Variants in DDX5 observed in about 807,000 individuals in gnomAD.
DDX5 encodes DEAD-box helicase 5, also known as probable ATP-dependent RNA helicase DDX5.
Under a neutral mutation model 68.6 loss-of-function variants are expected in DDX5, and 6 were observed. That is an observed-to-expected ratio of 0.09 (90% confidence interval 0.05 to 0.17). The LOEUF is 0.17. Among genes scored for constraint, DDX5 ranks in the 10% least tolerant of loss-of-function variants. The pLI is 1.00. For synonymous variants in DDX5, 350 were observed against 247.0 expected (o/e 1.42, Z -3.91); for missense variants, 499 against 756.1 (o/e 0.66, Z 3.99).
Position 64,506,113 on chromosome 17 carries a change from C to G in DDX5, c.7G>C (p.Gly3Arg). The G allele has an allele frequency of 6.4e-7, 1 of 1,572,820 alleles. No individual in the cohort carries two copies. Among genetic ancestry groups the G allele is most frequent in the South Asian group, 1.1e-5 (1 of 89,794 alleles). Residue 3 changes from glycine (G) to arginine (R), a missense_variant, in exon 1 of 13, where the codon GGT (glycine) becomes CGT (arginine). By Grantham distance (125) the Gly-to-Arg change is moderately radical. Around this residue, in one of 5 missense-constraint regions of DDX5, gnomAD observed 140 missense variants for 135.7 expected, o/e 1.03. Coordinates refer to ENST00000225792, the MANE Select transcript of DDX5 (RefSeq NM_004396.5). Reference protein sequence around the residue: MSGYSSDRDRGRD... With the variant: MSRYSSDRDRGRD... ...CCGCGGTCTCGGTCACTCGAATAACCCGACATGGCGTCAATGGTTGCGGTT... is the reference window on the plus strand; with the variant it reads ...CCGCGGTCTCGGTCACTCGAATAACGCGACATGGCGTCAATGGTTGCGGTT...
Position 64,500,254 on chromosome 17 carries a change from A to C in DDX5, c.1514T>G (p.Phe505Cys). The C allele has an allele frequency of 6.2e-7, 1 of 1,614,158 alleles. No homozygotes were observed. Residue 505 changes from phenylalanine to cysteine, a missense_variant, in exon 13 of 13, where the codon TTT becomes TGT. By Grantham distance (205) the Phe-to-Cys change is radical. Transcript: ENST00000225792. Reference sequence around the variant, plus strand: ...ATTTTCCCTGTCTCTAAAGGTATTAAATCCACCCCTTTTGCCCGCAGAGTA... The same window carrying C: ...ATTTTCCCTGTCTCTAAAGGTATTACATCCACCCCTTTTGCCCGCAGAGTA... ...DRYSAGKRGG[F>C]NTFRDRENYD...
Position 64,504,696 on chromosome 17 carries a change from T to C in DDX5, c.191A>G (p.Asp64Gly). Residue 64 changes from aspartate (D) to glycine (G), a missense_variant, in exon 2 of 13, where the codon GAT (aspartate) becomes GGT (glycine). This residue lies in a region of DDX5 where 140 missense variants were observed against 135.7 expected (regional missense o/e 1.03). Coordinates refer to ENST00000225792, the MANE Select transcript of DDX5 (RefSeq NM_004396.5). Reference protein sequence around the residue: ...FEKNFYQEHPDLARRTAQEVE... With the variant: ...FEKNFYQEHPGLARRTAQEVE... ...ACTCACTGCTGTGCGCCTAGCCAAA[T>C]CAGGGTGCTCTTGATAAAAATTCTT... 6.2e-7 allele frequency: 1 copy of C among 1,613,296 alleles called. No individual in the cohort carries two copies. Among genetic ancestry groups the C allele is most frequent in the Non-Finnish European group, 8.5e-7 (1 of 1,179,776 alleles).
rs782455211 is a variant in DDX5 at position 64,500,291 on chromosome 17, G to A, written c.1477C>T (p.Arg493Cys). Reference protein sequence around the residue: ...SRGRGGMKDDRRDRYSAGKRG... With the variant: ...SRGRGGMKDDCRDRYSAGKRG... ...TTGCCCGCAGAGTATCTGTCCCGACGGTCATCCTTCATGCCTCCTCTACCC... is the reference window on the plus strand; with the variant it reads ...TTGCCCGCAGAGTATCTGTCCCGACAGTCATCCTTCATGCCTCCTCTACCC... Residue 493 changes from arginine to cysteine, a missense_variant, in exon 13 of 13, where the codon CGT becomes TGT. Physicochemically the swap from Arg to Cys is radical, Grantham distance 180. Coordinates refer to ENST00000225792, the MANE Select transcript of DDX5 (RefSeq NM_004396.5). The A allele has an allele frequency of 1.2e-6, 2 of 1,612,866 alleles. No individual in the cohort carries two copies. Among genetic ancestry groups the A allele is most frequent in the Non-Finnish European group, 1.7e-6 (2 of 1,179,308 alleles).
Position 64,502,001 on chromosome 17 carries a change from T to G in DDX5, c.1216+9A>C, listed in dbSNP as rs568498163. On this transcript the variant is annotated intron_variant, in intron 11 of 12. Coordinates refer to ENST00000225792, the MANE Select transcript of DDX5 (RefSeq NM_004396.5). ...GGAAACCAAGCCATGAATGCGAGTT[T>G]GTACTAACCTAGCCCTCTGGAGGCC... is the stretch of plus-strand genomic sequence containing the variant. 1.2e-6 allele frequency: 2 copies of G among 1,613,590 alleles called. No individual in the cohort carries two copies. Among genetic ancestry groups the G allele is most frequent in the African/African-American group, 1.3e-5 (1 of 75,012 alleles).
At chr17:64,503,723 A>G in intron 5 of DDX5, 80 bp downstream of exon 5, 2 of 1,548,380 alleles carry the variant, frequency 1.3e-6, no homozygotes, top group South Asian at 1.2e-5. Context: ...TAAAACCACC[A>G]CAAATGATTA....
At chr17:64,501,718 C>T (rs1383381088) in intron 11 of DDX5, 6 of 448,092 alleles carry the variant, frequency 1.3e-5, no homozygotes, top group Admixed American at 3.8e-5. Flanking sequence ...TTTTTTCCCT[C>T]GGAGAGAACA....
rs782308251 is a variant in DDX5, at chr17:64,503,459, T to C, written c.620A>G (p.Lys207Arg). ...KSTCIYGGAPKGPQIRDLERG... is the reference protein window; with the variant it reads ...KSTCIYGGAPRGPQIRDLERG... ...CTCCAAATCACGTATTTGTGGTCCC[T>C]TAGGAGCACCACCGTAGATACAAGT... Residue 207 changes from lysine (K) to arginine (R), a missense_variant, in exon 6 of 13, where the codon AAG (lysine) becomes AGG (arginine). Around this residue, in one of 5 missense-constraint regions of DDX5, gnomAD observed 141 missense variants for 279.8 expected, o/e 0.50. Transcript: ENST00000225792. 6.2e-7 allele frequency: 1 copy of C among 1,614,222 alleles called. No individual in the cohort carries two copies.
At chr17:64,502,898 C>A in intron 8 of DDX5, 28 bp downstream of exon 8, 1 of 1,538,050 alleles carries the variant, frequency 6.5e-7, no homozygotes. Context: ...TGTTAGGAAG[C>A]AAATATAACA....
In DDX5 at chr17:64,502,241, T is replaced by A; in HGVS notation, c.1095-18A>T. On this transcript the variant is annotated intron_variant, in intron 9 of 12. Transcript: ENST00000225792. ...CAGGCCACCTAAGTTAAAAGACAAG[T>A]TGTGTTATTAAACTCACATTGAAAA... is the stretch of plus-strand genomic sequence containing the variant. The A allele has an allele frequency of 6.2e-7, 1 of 1,613,516 alleles. No homozygotes were observed. Among genetic ancestry groups the A allele is most frequent in the Non-Finnish European group, 8.5e-7 (1 of 1,179,836 alleles).
Position 64,500,207 on chromosome 17 carries a change from G to A in DDX5, c.1561C>T (p.Leu521=), listed in dbSNP as rs958061265. 7 of 1,613,942 alleles carry A rather than the reference G, an allele frequency of 4.3e-6. No individual in the cohort carries two copies. The highest frequency in any genetic ancestry group is 3.3e-5 in the Admixed American group (2 of 59,990). Residue 521 remains leucine (L), a synonymous_variant, in exon 13 of 13, where the codon CTG becomes TTG. Transcript: ENST00000225792. ...RENYDRGYSS[L]LKRDFGAKTQ... Reference sequence around the variant, plus strand: ...TTTGCCCCAAAATCTCTTTTAAGCAGGCTAGAGTAACCTCTGTCATAATTT... The same window carrying A: ...TTTGCCCCAAAATCTCTTTTAAGCAAGCTAGAGTAACCTCTGTCATAATTT...
intron 5 of DDX5, 74 bp downstream of exon 5, chr17:64,503,728 TG>T: frequency 6.4e-7 from 1 of 1,553,138 alleles, no homozygotes; most frequent in Non-Finnish European, 8.8e-7. Flanking sequence ...CCACCACAAA[TG>T]ATTACATCTT....
In DDX5 at chr17:64,499,720, T is replaced by A. The variant is rs1459190548; in HGVS notation, c.*203A>T. On this transcript the variant is annotated 3_prime_UTR_variant, in exon 13 of 13. Coordinates refer to ENST00000225792, the MANE Select transcript of DDX5 (RefSeq NM_004396.5). ...ACTTTTGTGAAAACACTGCCTGCAT[T>A]TTCTAGTACAAAAAAAACCTAAAAA... 1 of 472,768 alleles carries A rather than the reference T, an allele frequency of 2.1e-6. No homozygotes were observed. The highest frequency in any genetic ancestry group is 3.7e-6 in the Non-Finnish European group (1 of 272,874). The allele number at this position is 472,768 out of a possible 1,614,324, so 29.3% of individuals were successfully genotyped here.
upstream of DDX5, chr17:64,506,350 G>T: frequency 6.9e-7 from 1 of 1,450,974 alleles, no homozygotes; most frequent in South Asian, 1.4e-5. Context: ...CGCAGGGAAC[G>T]CTGGGAGCCG....
chr17:64,502,226 A>G lies in DDX5; in HGVS notation c.1095-3T>C. 6.2e-7 allele frequency: 1 copy of G among 1,613,878 alleles called. No homozygotes were observed. The highest frequency in any genetic ancestry group is 8.5e-7 in the Non-Finnish European group (1 of 1,179,962). On this transcript the variant is annotated splice_polypyrimidine_tract_variant and splice_region_variant and intron_variant, in intron 9 of 12. Coordinates refer to ENST00000225792, the MANE Select transcript of DDX5 (RefSeq NM_004396.5). ...CATGGATACCCATGGCAGGCCACCT[A>G]AGTTAAAAGACAAGTTGTGTTATTA...
chr17:64,503,754 A>G (rs2038355507), intron 5 of DDX5, 49 bp downstream of exon 5: 2 of 1,579,468 alleles, frequency 1.3e-6, no homozygotes, highest in African/African-American at 1.4e-5. Context: ...TATGTAGTCT[A>G]AAATCTACAC....
chr17:64,504,328 A>G lies in DDX5; in HGVS notation c.211-10T>C, dbSNP rs2038371179. ...ATGTTTCCACCTCTTGCTGCAAAAC[A>G]AATTATAACAGTCTTAAAATTCATG... On this transcript the variant is annotated splice_polypyrimidine_tract_variant and intron_variant, in intron 2 of 12. Transcript: ENST00000225792. The G allele has an allele frequency of 1.2e-6, 2 of 1,609,120 alleles. No homozygotes were observed. Among genetic ancestry groups the G allele is most frequent in the Admixed American group, 1.7e-5 (1 of 59,994 alleles).
At position 64,498,266 on chromosome 17, in the gene DDX5, TCA is replaced by T. The variant is rs1161461424; in HGVS notation, c.*1655_*1656del. ...TAAAAAGAGAGAATGGGGAGAAAAA[TCA>T]CATTTATTAGTTAAGACGACCACAG... On this transcript the variant is annotated 3_prime_UTR_variant, in exon 13 of 13. Transcript: ENST00000225792. Among the ~76,000 whole-genome samples the T allele has an allele frequency of 6.6e-6, 1 of 151,866 alleles. No individual in the cohort carries two copies. The highest frequency in any genetic ancestry group is 2.4e-5 in the African/African-American group (1 of 41,310).
At chr17:64,501,950 T>TA (rs1249116171) in intron 11 of DDX5, 60 bp downstream of exon 11, 1 of 1,549,224 alleles carries the variant, frequency 6.5e-7, no homozygotes, top group Admixed American at 1.8e-5. Context: ...AAACTTTCTT[T>TA]AAAAAAGTTA....
rs534646011 is a variant in DDX5 at position 64,498,511 on chromosome 17, G to T, written c.*1412C>A. ...TAAAACCATGAATTTGACTAACCATGCCATTGAAAACCATCCAGGTTACTA... is the reference window on the plus strand; with the variant it reads ...TAAAACCATGAATTTGACTAACCATTCCATTGAAAACCATCCAGGTTACTA... On this transcript the variant is annotated 3_prime_UTR_variant, in exon 13 of 13. Transcript: ENST00000225792. Among the ~76,000 whole-genome samples the T allele has an allele frequency of 6.6e-6, 1 of 152,272 alleles. No individual in the cohort carries two copies. The highest frequency in any genetic ancestry group is 2.1e-4 in the South Asian group (1 of 4,824).
Sources: gnomAD v4.1 joint callset for allele counts (sites outside exome capture counted in the v4.1 genomes callset) on GRCh38, gnomAD v4.1.1 for gene constraint, gnomAD v4.1.1 regional missense constraint, MANE v1.5 for transcripts, NCBI Gene and HGNC (gene_info 2026-07-23, HGNC 2026-07-21) for gene names.